Variants in PCLAF observed in about 807,000 individuals in gnomAD.
PCLAF encodes PCNA-associated factor.
In PCLAF, 12 loss-of-function variants were observed where a neutral mutation model predicts 15.1. That is an observed-to-expected ratio of 0.79 (90% confidence interval 0.51 to 1.29). PCLAF has a LOEUF of 1.29. PCLAF is among the 50% of genes most tolerant of loss of function. The probability of loss-of-function intolerance (pLI) is 0.00; values close to 1 mark genes in which losing one functional copy is unlikely to be tolerated. For synonymous variants in PCLAF, 33 were observed against 47.1 expected (o/e 0.70, Z 1.22); for missense variants, 116 against 130.9 (o/e 0.89, Z 0.56).
At position 64,381,435 on chromosome 15, in the gene PCLAF, G is replaced by A. The variant is rs755528410; in HGVS notation, c.-64C>T. ...CTTCCCAGCCGAGGGTGTTTCACTG[G>A]ACAAGGACCCGAAAACTATCCCGCC... On this transcript the variant is annotated 5_prime_UTR_variant, in exon 1 of 4. Transcript: ENST00000300035. The A allele has an allele frequency of 7.4e-6, 12 of 1,612,792 alleles. No homozygotes were observed. Among genetic ancestry groups the A allele is most frequent in the Admixed American group, 1.7e-5 (1 of 59,972 alleles).
At chr15:64,381,967 GT>G (rs1211426823), upstream of PCLAF, among the ~76,000 whole-genome samples, 1 of 152,094 alleles carries the variant, frequency 6.6e-6, no homozygotes, top group East Asian at 1.9e-4. Context: ...GTTTACAAGG[GT>G]TTTTTTAAAT....
chr15:64,368,954 G>C (rs1028507968), intron 3 of PCLAF, among the ~76,000 whole-genome samples: 12 of 152,144 alleles, frequency 7.9e-5, no homozygotes, highest in African/African-American at 2.2e-4. Context: ...TTGACTATCA[G>C]CTTGTTCCTG....
chr15:64,376,165 C>A (rs1899594800), intron 3 of PCLAF, among the ~76,000 whole-genome samples: 1 of 152,050 alleles, frequency 6.6e-6, no homozygotes, highest in African/African-American at 2.4e-5. Context: ...GCGGAGGTTG[C>A]AGTGAGCTGA....
Position 64,377,747 on chromosome 15 carries a change from GTTTT to G in PCLAF, c.128-846_128-843del, listed in dbSNP as rs34009261. On this transcript the variant is annotated intron_variant, in intron 2 of 3. Transcript: ENST00000300035. ...TCATAAGAGAAGTCCAATTCCTGGT[GTTTT>G]TTTTTTTTTTTTTTTTTTTTTTCAA... 3.3e-4 allele frequency among the ~76,000 whole-genome samples: 10 copies of G among 30,102 alleles called. No individual in the cohort carries two copies. In the South Asian group the frequency reaches 5.8e-3, roughly 18 times the overall value. The allele number at this position is 30,102 out of a possible 152,430, so 19.7% of individuals were successfully genotyped here.
intron 3 of PCLAF, among the ~76,000 whole-genome samples, chr15:64,370,825 A>C (rs1184994911): frequency 1.9e-5 from 2 of 107,720 alleles, no homozygotes; most frequent in African/African-American, 7.0e-5. Context: ...AGACTCATAA[A>C]GTTGTTTTTT....
chr15:64,367,225 AG>A (rs1363279036), intron 3 of PCLAF, among the ~76,000 whole-genome samples: 3 of 152,206 alleles, frequency 2.0e-5, no homozygotes, highest in Admixed American at 6.5e-5. Context: ...AAAGTCAGGG[AG>A]GGCCCTGTGG....
chr15:64,376,452 G>C (rs1899605794), intron 3 of PCLAF, among the ~76,000 whole-genome samples: 1 of 152,088 alleles, frequency 6.6e-6, no homozygotes. Flanking sequence ...GCGTGAAAAT[G>C]AGATACATGT....
intron 3 of PCLAF, among the ~76,000 whole-genome samples, chr15:64,376,182 G>A (rs1203325366): frequency 5.3e-5 from 8 of 152,066 alleles, no homozygotes; most frequent in African/African-American, 1.2e-4. Flanking sequence ...CTGAGATAGC[G>A]CCACTGCCCT....
chr15:64,385,356 C>A (rs951108191), upstream of PCLAF, among the ~76,000 whole-genome samples: 10 of 151,956 alleles, frequency 6.6e-5, no homozygotes, highest in Non-Finnish European at 1.2e-4. Flanking sequence ...TTAAGAAATA[C>A]CTAGAGGGCT....
At chr15:64,371,671 T>C (rs1899321626) in intron 3 of PCLAF, among the ~76,000 whole-genome samples, 1 of 152,102 alleles carries the variant, frequency 6.6e-6, no homozygotes, top group Non-Finnish European at 1.5e-5. Flanking sequence ...TGGCGCAATC[T>C]TGGCTCACTC....
upstream of PCLAF, chr15:64,381,578 A>G (rs1899824714): frequency 1.4e-6 from 2 of 1,408,250 alleles, no homozygotes; most frequent in Admixed American, 2.8e-5. Context: ...GACAGCGGCG[A>G]GGCTTCTTGC....
chr15:64,382,185 G>A (rs115440359), upstream of PCLAF, among the ~76,000 whole-genome samples: 1,978 of 152,184 alleles, frequency 0.013, 31 homozygotes, highest in African/African-American at 0.046. Flanking sequence ...GACCCCAGGA[G>A]GTCGAGACCA....
chr15:64,370,585 T>C (rs1596321918), intron 3 of PCLAF, among the ~76,000 whole-genome samples: 1 of 151,742 alleles, frequency 6.6e-6, no homozygotes, highest in Non-Finnish European at 1.5e-5. Context: ...GCCAGGCTGG[T>C]CTCGAACTCC....
At chr15:64,386,138 C>A (rs1007399719), upstream of PCLAF, among the ~76,000 whole-genome samples, 5 of 151,862 alleles carry the variant, frequency 3.3e-5, no homozygotes, top group Non-Finnish European at 7.4e-5. Flanking sequence ...GACTTTGATA[C>A]CTTACAATTA....
chr15:64,377,945 G>A (rs1183910024), intron 2 of PCLAF, among the ~76,000 whole-genome samples: 1 of 145,956 alleles, frequency 6.9e-6, no homozygotes, highest in Non-Finnish European at 1.5e-5. Flanking sequence ...GTTTTTTTGG[G>A]GGGGAGACAG....
At chr15:64,381,629 G>T, upstream of PCLAF, 2 of 1,001,026 alleles carry the variant, frequency 2.0e-6, no homozygotes, top group Non-Finnish European at 2.8e-6. Flanking sequence ...CCTAGGATTC[G>T]TAGGCGCCCC....
At chr15:64,377,879 G>A (rs985248572) in intron 2 of PCLAF, among the ~76,000 whole-genome samples, 9 of 148,804 alleles carry the variant, frequency 6.0e-5, no homozygotes, top group South Asian at 4.3e-4. Flanking sequence ...AGCCTCCCGA[G>A]TAGCAGGGAT....
In PCLAF at chr15:64,366,727, C is replaced by T. The variant is rs528919647; in HGVS notation, c.291-652G>A. Among the ~76,000 whole-genome samples, 12 of 152,156 alleles carry T rather than the reference C, an allele frequency of 7.9e-5. No homozygotes were observed. The South Asian group carries it at 2.1e-3, about 26-fold the overall frequency. On this transcript the variant is annotated intron_variant, in intron 3 of 3. Transcript: ENST00000300035. ...GTGGATCACGCCTGTAATCCCAGCACTTTGGGAGGCCAAGGTGGGTGGAAC... is the reference window on the plus strand; with the variant it reads ...GTGGATCACGCCTGTAATCCCAGCATTTTGGGAGGCCAAGGTGGGTGGAAC...
rs536395863 is a variant in PCLAF, at chr15:64,378,843, G to A, written c.128-1938C>T. Reference sequence around the variant, plus strand: ...GAAGAATTGCTTGAACCCGGGAGGCGGAGGTTGCAGTGAGCCGAGTTCATG... The same window carrying A: ...GAAGAATTGCTTGAACCCGGGAGGCAGAGGTTGCAGTGAGCCGAGTTCATG... On this transcript the variant is annotated intron_variant, in intron 2 of 3. Coordinates refer to ENST00000300035, the MANE Select transcript of PCLAF (RefSeq NM_014736.6). Among the ~76,000 whole-genome samples the A allele has an allele frequency of 2.6e-5, 4 of 151,870 alleles. No homozygotes were observed. In the South Asian group the frequency reaches 8.3e-4, roughly 32 times the overall value.
Sources: allele counts gnomAD v4.1 joint callset (sites outside exome capture counted in the v4.1 genomes callset), GRCh38; gene constraint gnomAD v4.1.1; transcripts MANE v1.5; gene names NCBI Gene and HGNC (gene_info 2026-07-23, HGNC 2026-07-21).